The following GTF2B variants were observed in gnomAD, a reference collection of about 807,000 sequenced individuals.
The protein encoded by GTF2B is transcription initiation factor IIB.
Under a neutral mutation model 34.6 loss-of-function variants are expected in GTF2B, and 20 were observed. The ratio of observed to expected loss-of-function variants is 0.58; its 90% CI spans 0.41 to 0.84. The LOEUF is 0.84. GTF2B is among the 40% of genes least tolerant of loss of function. GTF2B has a pLI of 0.00. For synonymous variants in GTF2B, 142 were observed against 132.4 expected (o/e 1.07, Z -0.50); for missense variants, 237 against 393.3 (o/e 0.60, Z 3.36).
Position 88,891,533 on chromosome 1 carries a change from C to G in GTF2B, c.-34G>C, listed in dbSNP as rs200468190. ...CGACTGCGGTGCCCGCAACAAGACA[C>G]AACAGACACACCGAAAGCAGGAAGC... On this transcript the variant is annotated 5_prime_UTR_variant, in exon 1 of 7. Transcript: ENST00000370500. The G allele has an allele frequency of 2.7e-5, 43 of 1,592,712 alleles. No homozygotes were observed. The highest frequency in any genetic ancestry group is 3.6e-5 in the Non-Finnish European group (42 of 1,166,280).
intron 6 of GTF2B, among the ~76,000 whole-genome samples, chr1:88,856,085 C>T (rs1220433434): frequency 2.0e-5 from 3 of 151,928 alleles, no homozygotes; most frequent in Non-Finnish European, 4.4e-5. Context: ...GCCTGCCCAA[C>T]ATGGTGAAAC....
At chr1:88,870,791 C>T (rs1217669723) in intron 2 of GTF2B, among the ~76,000 whole-genome samples, 1 of 151,776 alleles carries the variant, frequency 6.6e-6, no homozygotes, top group Admixed American at 6.6e-5. Context: ...ACAACTGAAA[C>T]AGTCTATTAA....
At chr1:88,854,003 G>GGT (rs1169416064) in intron 6 of GTF2B, among the ~76,000 whole-genome samples, 1 of 152,096 alleles carries the variant, frequency 6.6e-6, no homozygotes, top group African/African-American at 2.4e-5. Flanking sequence ...ATAGTGTTCA[G>GGT]GTCTTAGTAT....
chr1:88,864,227 C>A, intron 2 of GTF2B, 113 bp from the exon 3 acceptor site: 7 of 876,088 alleles, frequency 8.0e-6, no homozygotes, highest in Non-Finnish European at 1.3e-5. Context: ...ACATGGACAT[C>A]TAGGACCAAG....
chr1:88,877,616 C>G (rs1013901828), intron 2 of GTF2B, among the ~76,000 whole-genome samples: 21 of 152,132 alleles, frequency 1.4e-4, no homozygotes, highest in Non-Finnish European at 2.9e-4. Flanking sequence ...GGAAAAAACC[C>G]CCACAAAAGA....
At chr1:88,864,589 G>C (rs1053712123) in intron 2 of GTF2B, among the ~76,000 whole-genome samples, 2 of 152,226 alleles carry the variant, frequency 1.3e-5, no homozygotes, top group African/African-American at 4.8e-5. Context: ...GTAACAATCT[G>C]ATGAAAAACA....
At chr1:88,866,565 G>A (rs2100968582) in intron 2 of GTF2B, among the ~76,000 whole-genome samples, 1 of 152,128 alleles carries the variant, frequency 6.6e-6, no homozygotes, top group East Asian at 1.9e-4. Context: ...ACCACTGCCT[G>A]CCTGGCTAAT....
Position 88,860,249 on chromosome 1 carries a change from G to C in GTF2B, c.296C>G (p.Ser99Cys). 4 of 1,614,012 alleles carry C rather than the reference G, an allele frequency of 2.5e-6. No individual in the cohort carries two copies. The highest frequency in any genetic ancestry group is 3.4e-6 in the Non-Finnish European group (4 of 1,179,918). Residue 99 changes from serine (S) to cysteine (C), a missense_variant, in exon 4 of 7, where the codon TCT (serine) becomes TGT (cysteine). Ser to Cys is a moderately radical substitution (Grantham distance 112, BLOSUM62 -1). Transcript: ENST00000370500. ...GAASFDEFGN[S>C]KYQNRRTMSS... ...CATTGTTCTCCGATTCTGGTACTTA[G>C]AATTGCCAAATTCGTCAAAACTTGC...
At chr1:88,890,754 G>C (rs1018313902) in intron 1 of GTF2B, among the ~76,000 whole-genome samples, 1 of 152,100 alleles carries the variant, frequency 6.6e-6, no homozygotes, top group Non-Finnish European at 1.5e-5. Flanking sequence ...CTGTTTCTGA[G>C]GGTACTGCAT....
At chr1:88,855,158 TAA>T (rs1021628038) in intron 6 of GTF2B, among the ~76,000 whole-genome samples, 3 of 152,192 alleles carry the variant, frequency 2.0e-5, no homozygotes, top group African/African-American at 7.2e-5. Flanking sequence ...TCAATTTTAC[TAA>T]AAGACTCAAA....
intron 2 of GTF2B, among the ~76,000 whole-genome samples, chr1:88,877,653 C>T (rs999958332): frequency 3.9e-5 from 6 of 152,178 alleles, no homozygotes; most frequent in Admixed American, 1.3e-4. Flanking sequence ...CAGTTTCGGC[C>T]GGACACAGTG....
intron 1 of GTF2B, among the ~76,000 whole-genome samples, chr1:88,888,975 T>C (rs1016650380): frequency 6.6e-5 from 10 of 152,236 alleles, no homozygotes. Context: ...GCTATATGTA[T>C]GTGCTCACTT....
chr1:88,886,402 T>C (rs906809882), intron 2 of GTF2B, among the ~76,000 whole-genome samples: 1 of 152,222 alleles, frequency 6.6e-6, no homozygotes, highest in Non-Finnish European at 1.5e-5. Flanking sequence ...TAGTCTAAAG[T>C]TCTGCTGCAT....
At chr1:88,876,039 T>G (rs1673810227) in intron 2 of GTF2B, among the ~76,000 whole-genome samples, 1 of 137,058 alleles carries the variant, frequency 7.3e-6, no homozygotes, top group Non-Finnish European at 1.6e-5. Flanking sequence ...AATTTTTTGA[T>G]GTTTAAGAGA....
intron 2 of GTF2B, among the ~76,000 whole-genome samples, chr1:88,876,000 G>A (rs1673809333): frequency 6.6e-6 from 1 of 152,118 alleles, no homozygotes; most frequent in Non-Finnish European, 1.5e-5. Flanking sequence ...AGCTCAAAGG[G>A]CAGTCTGCTA....
At chr1:88,856,272 C>CAAAA (rs377030804) in intron 6 of GTF2B, among the ~76,000 whole-genome samples, 513 of 50,006 alleles carry the variant, frequency 0.01, 36 homozygotes, top group East Asian at 0.023. Context: ...GTTTCAAAAA[C>CAAAA]AAAAAAAAAA....
chr1:88,872,282 G>A lies in GTF2B; in HGVS notation c.125-8168C>T, dbSNP rs1487985419. On this transcript the variant is annotated intron_variant, in intron 2 of 6. Transcript: ENST00000370500. ...AAGCCTGACCAACATAGTGAAACCC[G>A]GTCTCTACTAAAAATACGAAATTAG... Among the ~76,000 whole-genome samples, 7 of 151,222 alleles carry A rather than the reference G, an allele frequency of 4.6e-5. 1 individual carries two copies. The highest frequency in any genetic ancestry group is 4.2e-4 in the South Asian group (2 of 4,760).
At chr1:88,857,061 A>G in intron 6 of GTF2B, 145 bp downstream of exon 6, 1 of 701,058 alleles carries the variant, frequency 1.4e-6, no homozygotes, top group Non-Finnish European at 2.4e-6. Flanking sequence ...TCGGCCTTCC[A>G]AAGTGCTGAG....
intron 2 of GTF2B, among the ~76,000 whole-genome samples, chr1:88,881,289 T>G (rs896335135): frequency 1.3e-5 from 2 of 152,084 alleles, no homozygotes; most frequent in African/African-American, 2.4e-5. Context: ...CTATGTAGCC[T>G]AGGTGTGTTG....
Sources: allele counts gnomAD v4.1 joint callset (sites outside exome capture counted in the v4.1 genomes callset), GRCh38; gene constraint gnomAD v4.1.1; transcripts MANE v1.5; gene names NCBI Gene and HGNC (gene_info 2026-07-23, HGNC 2026-07-21).